The following CCDC69 variants were observed in gnomAD, a reference collection of about 807,000 sequenced individuals.
CCDC69 encodes coiled-coil domain-containing protein 69.
CCDC69 carries 38 observed loss-of-function variants against 40.3 expected under a neutral mutation model. The ratio of observed to expected loss-of-function variants is 0.94; its 90% CI spans 0.73 to 1.24. CCDC69 has a LOEUF of 1.24. CCDC69 is among the 50% of genes most tolerant of loss of function. CCDC69 has a pLI of 0.00. For missense variants in CCDC69, 389 were observed against 357.9 expected (o/e 1.09, Z -0.70); for synonymous variants, 141 against 138.9 (o/e 1.02, Z -0.11).
In CCDC69 at chr5:151,183,561, T is replaced by G; in HGVS notation, c.767A>C (p.Gln256Pro). The G allele has an allele frequency of 6.2e-7, 1 of 1,612,320 alleles. No individual in the cohort carries two copies. Among genetic ancestry groups the G allele is most frequent in the East Asian group, 2.2e-5 (1 of 44,840 alleles). ...CTCCTGCTGGAGCTGTCGCCGCAGC[T>G]GCACCTCCTTCTCCAGGGCCTCACG... ...LTREALEKEVQLRRQLQQEKE... is the reference protein window; with the variant it reads ...LTREALEKEVPLRRQLQQEKE... Residue 256 changes from glutamine (Q) to proline (P), a missense_variant, in exon 9 of 9, where the codon CAG becomes CCG. Transcript: ENST00000355417.
chr5:151,212,019 G>C (rs528036115), intron 1 of CCDC69: 2 of 150,990 alleles, frequency 1.3e-5, no homozygotes, highest in East Asian at 2.0e-4. Context: ...GGTGGTGGTG[G>C]GGGGGGGAGT....
chr5:151,187,973 C>G (rs1479478664), intron 4 of CCDC69, among the ~76,000 whole-genome samples: 1 of 152,144 alleles, frequency 6.6e-6, no homozygotes, highest in Non-Finnish European at 1.5e-5. Context: ...TATCAGACAT[C>G]TAAAAGTCCA....
rs1753100899 is a variant in CCDC69, at chr5:151,219,285, C to T, written c.48+4638G>A. The stretch of plus-strand genomic sequence containing the variant: ...ATATTCCTTCTGCCTAGCATGCCCT[C>T]CTGAGTAACTCGCCTGCCCCATAAG... On this transcript the variant is annotated intron_variant, in intron 1 of 8. Transcript: ENST00000355417. 2.6e-5 allele frequency among the ~76,000 whole-genome samples: 4 copies of T among 152,302 alleles called. 1 individual carries two copies. In the South Asian group the frequency reaches 8.3e-4, roughly 32 times the overall value.
At chr5:151,211,293 T>A (rs989430848) in intron 1 of CCDC69, 1 of 152,288 alleles carries the variant, frequency 6.6e-6, no homozygotes, top group African/African-American at 2.4e-5. Flanking sequence ...AGTATCTACA[T>A]CTGGTTAGCT....
intron 1 of CCDC69, among the ~76,000 whole-genome samples, chr5:151,207,808 G>T (rs553187911): frequency 9.5e-4 from 143 of 150,374 alleles, no homozygotes; most frequent in Admixed American, 1.8e-3. Context: ...CCAGGATTTG[G>T]GTAAAAAAAA....
At chr5:151,203,274 C>T (rs1752801175) in intron 2 of CCDC69, among the ~76,000 whole-genome samples, 1 of 151,918 alleles carries the variant, frequency 6.6e-6, no homozygotes, top group African/African-American at 2.4e-5. Context: ...CTTTGGGAGG[C>T]CGAGGTGAGC....
At chr5:151,189,041 C>T (rs183660485) in intron 4 of CCDC69, among the ~76,000 whole-genome samples, 1 of 152,236 alleles carries the variant, frequency 6.6e-6, no homozygotes, top group East Asian at 1.9e-4. Flanking sequence ...AATACAAAAT[C>T]ACTCAGCCTA....
intron 4 of CCDC69, among the ~76,000 whole-genome samples, 153 bp from the exon 5 acceptor site, chr5:151,187,612 C>T (rs1376814840): frequency 6.6e-6 from 1 of 152,114 alleles, no homozygotes; most frequent in East Asian, 1.9e-4. Context: ...GTCTCCTAGG[C>T]TTGCTTGGGG....
intron 4 of CCDC69, among the ~76,000 whole-genome samples, chr5:151,187,790 GA>G (rs1752546808): frequency 6.6e-6 from 1 of 152,226 alleles, no homozygotes; most frequent in South Asian, 2.1e-4. Context: ...TCGGGCCACG[GA>G]AAATGCATAG....
intron 1 of CCDC69, among the ~76,000 whole-genome samples, chr5:151,223,709 C>T (rs771121437): frequency 6.6e-6 from 1 of 152,180 alleles, no homozygotes; most frequent in Admixed American, 6.5e-5. Flanking sequence ...GCCCGGGTGC[C>T]GTGTTTGTAA....
In CCDC69 at chr5:151,200,685, T is replaced by C. The variant is rs561618271; in HGVS notation, c.231+897A>G. Among the ~76,000 whole-genome samples the C allele has an allele frequency of 5.3e-5, 8 of 152,292 alleles. No individual in the cohort carries two copies. The South Asian group carries it at 1.2e-3, about 24-fold the overall frequency. On this transcript the variant is annotated intron_variant, in intron 3 of 8. Coordinates refer to ENST00000355417, the MANE Select transcript of CCDC69 (RefSeq NM_015621.3). ...GTTACATTCAGTCATCCCATCACTTTAGTGTCCTTCAATCTAGAATTGTTC... is the reference window on the plus strand; with the variant it reads ...GTTACATTCAGTCATCCCATCACTTCAGTGTCCTTCAATCTAGAATTGTTC...
intron 2 of CCDC69, among the ~76,000 whole-genome samples, chr5:151,204,814 A>G (rs1461979227): frequency 6.6e-6 from 1 of 152,198 alleles, no homozygotes; most frequent in Non-Finnish European, 1.5e-5. Flanking sequence ...ATGATCCATT[A>G]CAAATTAAAA....
At chr5:151,198,956 A>AC (rs749505881) in intron 4 of CCDC69, 41 bp downstream of exon 4, 3 of 1,503,276 alleles carry the variant, frequency 2.0e-6, no homozygotes, top group Admixed American at 1.7e-5. Flanking sequence ...AGAAGGAAGC[A>AC]CCCCCCACCA....
chr5:151,216,622 G>A (rs1702928547), intron 1 of CCDC69, among the ~76,000 whole-genome samples: 1 of 149,136 alleles, frequency 6.7e-6, no homozygotes, highest in African/African-American at 2.5e-5. Flanking sequence ...CACCATGTTG[G>A]TCAGGCTGGT....
intron 4 of CCDC69, among the ~76,000 whole-genome samples, chr5:151,197,879 G>A (rs1343678296): frequency 6.6e-6 from 1 of 152,192 alleles, no homozygotes; most frequent in East Asian, 1.9e-4. Context: ...ATATTGGAAT[G>A]CTATGTAGTT....
At chr5:151,223,777 C>T in intron 1 of CCDC69, 146 bp downstream of exon 1, 1 of 704,316 alleles carries the variant, frequency 1.4e-6, no homozygotes, top group Non-Finnish European at 2.2e-6. Context: ...GCAGAGCCTC[C>T]CTCGTCTCTG....
chr5:151,203,399 A>G, intron 2 of CCDC69, among the ~76,000 whole-genome samples: 1 of 151,336 alleles, frequency 6.6e-6, no homozygotes, highest in East Asian at 1.9e-4. Context: ...AATCCCAGCT[A>G]CTCGGGAGGC....
Position 151,183,617 on chromosome 5 carries a change from G to A in CCDC69, c.714-3C>T. 6.2e-7 allele frequency: 1 copy of A among 1,605,902 alleles called. No homozygotes were observed. The highest frequency in any genetic ancestry group is 1.1e-5 in the South Asian group (1 of 89,516). On this transcript the variant is annotated splice_polypyrimidine_tract_variant and splice_region_variant and intron_variant, in intron 8 of 8. Coordinates refer to ENST00000355417, the MANE Select transcript of CCDC69 (RefSeq NM_015621.3). ...GAAGCAGGTCTTCTGACAGCTGCCT[G>A]TGGATGCACACAGAGCCCAGGGTTG... is the stretch of plus-strand genomic sequence containing the variant.
At position 151,182,766 on chromosome 5, in the gene CCDC69, G is replaced by A. The variant is rs557875957; in HGVS notation, c.*671C>T. On this transcript the variant is annotated 3_prime_UTR_variant, in exon 9 of 9. Transcript: ENST00000355417. ...CTGGCTACTGTCCCTTGGTGGACACGACTCTGGCCCAGGAATGATGCCTCA... is the reference window on the plus strand; with the variant it reads ...CTGGCTACTGTCCCTTGGTGGACACAACTCTGGCCCAGGAATGATGCCTCA... The A allele has an allele frequency of 1.0e-4, 33 of 323,530 alleles. No individual in the cohort carries two copies. Among genetic ancestry groups the A allele is most frequent in the South Asian group, 2.7e-4 (11 of 40,282 alleles). 20.0% of individuals were successfully genotyped at this position (323,530 alleles called of 1,614,324 possible).
Sources: gnomAD v4.1 joint callset for allele counts (sites outside exome capture counted in the v4.1 genomes callset) on GRCh38, gnomAD v4.1.1 for gene constraint, MANE v1.5 for transcripts, NCBI Gene and HGNC (gene_info 2026-07-23, HGNC 2026-07-21) for gene names.